Variants in GLDC observed in about 807,000 individuals in gnomAD.
The protein encoded by GLDC is glycine dehydrogenase (decarboxylating), mitochondrial.
A neutral mutation model predicts 121.3 loss-of-function variants in GLDC; 104 were observed. The ratio of observed to expected loss-of-function variants is 0.86; its 90% CI spans 0.73 to 1.01. The LOEUF (loss-of-function observed/expected upper bound fraction) is 1.01, where lower values mean the gene tolerates loss of function less well. Among genes scored for constraint, GLDC ranks in the 50% least tolerant of loss-of-function variants. The pLI is 0.00. For missense variants in GLDC, 1,429 were observed against 1,306.6 expected (o/e 1.09, Z -1.44); for synonymous variants, 546 against 480.6 (o/e 1.14, Z -1.78).
intron 15 of GLDC, among the ~76,000 whole-genome samples, chr9:6,576,319 T>G (rs1449638168): frequency 6.6e-6 from 1 of 152,172 alleles, no homozygotes; most frequent in Non-Finnish European, 1.5e-5. Context: ...TGTCCTCACA[T>G]GGTGGAAGGG....
intron 2 of GLDC, chr9:6,639,520 T>C (rs868214921): frequency 3.7e-6 from 3 of 800,700 alleles, no homozygotes; most frequent in Non-Finnish European, 6.6e-6. Flanking sequence ...GGCAACACCC[T>C]GATTCGGCCT....
chr9:6,609,396 T>C (rs919886019), intron 4 of GLDC, among the ~76,000 whole-genome samples: 8 of 152,086 alleles, frequency 5.3e-5, no homozygotes, highest in Non-Finnish European at 8.8e-5. Context: ...ATGGAGATAA[T>C]AGAAGTCCTA....
At chr9:6,579,456 C>G (rs1327185171) in intron 15 of GLDC, among the ~76,000 whole-genome samples, 1 of 152,098 alleles carries the variant, frequency 6.6e-6, no homozygotes, top group East Asian at 1.9e-4. Context: ...TGGAATATTT[C>G]CTCCAAGTAC....
intron 15 of GLDC, among the ~76,000 whole-genome samples, chr9:6,572,574 T>C (rs1196731868): frequency 6.6e-6 from 1 of 152,012 alleles, no homozygotes; most frequent in Non-Finnish European, 1.5e-5. Context: ...GACATGGAGG[T>C]GTGAAACATC....
chr9:6,540,791 G>C (rs1817241237), intron 21 of GLDC: 1 of 152,848 alleles, frequency 6.5e-6, no homozygotes, highest in African/African-American at 2.4e-5. Flanking sequence ...AGTTCACTTT[G>C]TTCTACCAAT....
chr9:6,575,701 T>G (rs1425290589), intron 15 of GLDC, among the ~76,000 whole-genome samples: 1 of 152,238 alleles, frequency 6.6e-6, no homozygotes, highest in African/African-American at 2.4e-5. Context: ...TTAAGCCAAG[T>G]GAGCTAATAA....
At chr9:6,613,805 C>T (rs13300754) in intron 3 of GLDC, among the ~76,000 whole-genome samples, 9,160 of 151,990 alleles carry the variant, frequency 0.06, 387 homozygotes, top group Non-Finnish European at 0.093. Flanking sequence ...TAGATAGAGT[C>T]TTGCTCTGTC....
In GLDC at chr9:6,532,637, C is replaced by T. The variant is rs1413646854; in HGVS notation, c.*380G>A. 4.6e-6 allele frequency: 1 copy of T among 217,586 alleles called. No homozygotes were observed. The highest frequency in any genetic ancestry group is 9.3e-6 in the Non-Finnish European group (1 of 107,762). The allele number at this position is 217,586 out of a possible 1,614,324, so 13.5% of individuals were successfully genotyped here. A position where few individuals can be genotyped will look rare whatever the true frequency, so the allele number is the denominator to read the frequency against. On this transcript the variant is annotated 3_prime_UTR_variant, in exon 25 of 25. Coordinates refer to ENST00000321612, the MANE Select transcript of GLDC (RefSeq NM_000170.3). ...TGTAAACATTTGCCCTGGGATTTCC[C>T]ACAGATGGCACAGTCCACATGGACT...
At chr9:6,572,588 T>C (rs979179184) in intron 15 of GLDC, among the ~76,000 whole-genome samples, 3 of 152,190 alleles carry the variant, frequency 2.0e-5, no homozygotes, top group Admixed American at 2.0e-4. Context: ...AAACATCCTG[T>C]GCAATACTCC....
intron 2 of GLDC, among the ~76,000 whole-genome samples, chr9:6,636,889 G>C (rs145685589): frequency 9.9e-4 from 151 of 152,122 alleles, no homozygotes; most frequent in African/African-American, 3.5e-3. Context: ...TTCAAGACCA[G>C]CCTGACCAAT....
Position 6,575,478 on chromosome 9 carries a change from C to G in GLDC, c.1851-10049G>C, listed in dbSNP as rs1818047280. ...GGGCCCTACTCCAGACTTACTGAAT[C>G]AGAAACTCTGTAGGGTGAGGCTCAG... On this transcript the variant is annotated intron_variant, in intron 15 of 24. Coordinates refer to ENST00000321612, the MANE Select transcript of GLDC (RefSeq NM_000170.3). 1.3e-5 allele frequency among the ~76,000 whole-genome samples: 2 copies of G among 152,170 alleles called. 1 individual carries two copies. The highest frequency in any genetic ancestry group is 4.1e-4 in the South Asian group (2 of 4,830).
intron 2 of GLDC, among the ~76,000 whole-genome samples, chr9:6,633,923 G>C (rs1466287593): frequency 7.3e-6 from 1 of 136,222 alleles, no homozygotes; most frequent in African/African-American, 2.8e-5. Flanking sequence ...TGTGCCTCCC[G>C]GGTTCACGCC....
chr9:6,595,166 G>A (rs752554635), intron 8 of GLDC, 47 bp from the exon 9 acceptor site: 1 of 1,195,598 alleles, frequency 8.4e-7, no homozygotes, highest in South Asian at 1.2e-5. Context: ...AGGACAATTA[G>A]TGGGAGGGTG....
intron 11 of GLDC, among the ~76,000 whole-genome samples, chr9:6,590,506 C>T (rs1818354996): frequency 6.6e-6 from 1 of 152,102 alleles, no homozygotes; most frequent in Admixed American, 6.6e-5. Flanking sequence ...TTAAAAAGAG[C>T]CTGGCACCTC....
chr9:6,566,160 T>C (rs1038967487), intron 15 of GLDC, among the ~76,000 whole-genome samples: 1 of 152,190 alleles, frequency 6.6e-6, no homozygotes, highest in Non-Finnish European at 1.5e-5. Context: ...GAAGGATCAC[T>C]GGAGTCTGTG....
At chr9:6,596,318 C>T (rs1563852989) in intron 8 of GLDC, among the ~76,000 whole-genome samples, 1 of 152,036 alleles carries the variant, frequency 6.6e-6, no homozygotes, top group Non-Finnish European at 1.5e-5. Flanking sequence ...GGCTGAACAA[C>T]AAATTGATGA....
Position 6,540,084 on chromosome 9 carries a change from C to A in GLDC, c.2632G>T (p.Ala878Ser). Residue 878 changes from alanine (A) to serine (S), a missense_variant, in exon 22 of 25, where the codon GCT becomes TCT. Ala to Ser is a moderately conservative substitution (Grantham distance 99). Transcript: ENST00000321612. Reference sequence around the variant, plus strand: ...TGGAGTCTCTTGGCCACATCCACAGCCTCAATATTTGCAGACTTTTTGAAG... The same window carrying A: ...TGGAGTCTCTTGGCCACATCCACAGACTCAATATTTGCAGACTTTTTGAAG... ...RPFKKSANIE[A>S]VDVAKRLQDY... 1.9e-6 allele frequency: 3 copies of A among 1,612,992 alleles called. No individual in the cohort carries two copies. Among genetic ancestry groups the A allele is most frequent in the Non-Finnish European group, 2.5e-6 (3 of 1,179,014 alleles).
chr9:6,596,850 A>T (rs1460119551), intron 8 of GLDC, among the ~76,000 whole-genome samples: 1 of 152,218 alleles, frequency 6.6e-6, no homozygotes, highest in Non-Finnish European at 1.5e-5. Flanking sequence ...AAAATGTTAA[A>T]TGTAGAGTTA....
Position 6,583,555 on chromosome 9 carries a change from A to T in GLDC, c.1850+3586T>A, listed in dbSNP as rs1587943411. On this transcript the variant is annotated intron_variant, in intron 15 of 24. Transcript: ENST00000321612. ...GCCAGGCATAGTGATGCGTGCCAGTAGTCCCAGCTAAGCGGGAGGCTGAAG... is the reference window on the plus strand; with the variant it reads ...GCCAGGCATAGTGATGCGTGCCAGTTGTCCCAGCTAAGCGGGAGGCTGAAG... 2.6e-5 allele frequency among the ~76,000 whole-genome samples: 4 copies of T among 152,166 alleles called. No individual in the cohort carries two copies. In the South Asian group the frequency reaches 8.3e-4, roughly 32 times the overall value.
Sources: allele counts gnomAD v4.1 joint callset (sites outside exome capture counted in the v4.1 genomes callset), GRCh38; gene constraint gnomAD v4.1.1; transcripts MANE v1.5; gene names NCBI Gene and HGNC (gene_info 2026-07-23, HGNC 2026-07-21).